Variants in SHPRH observed in about 807,000 individuals in gnomAD.
SHPRH encodes E3 ubiquitin-protein ligase SHPRH.
A neutral mutation model predicts 202.5 loss-of-function variants in SHPRH; 106 were observed. The observed-to-expected ratio is 0.52, with a 90% CI of 0.45 to 0.62. The LOEUF is 0.62. Ranked by LOEUF, SHPRH falls within the 20% of genes least tolerant of loss-of-function variation. SHPRH has a pLI of 0.00. For synonymous variants in SHPRH, 729 were observed against 686.0 expected, an observed-to-expected ratio of 1.06 and a Z score of -0.98; for missense variants, 1,710 against 2,020.0, an observed-to-expected ratio of 0.85 and a Z score of 2.94.
At chr6:145,935,776 G>T in intron 11 of SHPRH, 1 of 184,766 alleles carries the variant, frequency 5.4e-6, no homozygotes, top group Admixed American at 5.6e-5. Flanking sequence ...ACATATATAA[G>T]AAATACCATG....
chr6:145,912,966 T>A (rs1489871610), intron 24 of SHPRH, among the ~76,000 whole-genome samples: 1 of 152,082 alleles, frequency 6.6e-6, no homozygotes, highest in Non-Finnish European at 1.5e-5. Flanking sequence ...TATACTAATA[T>A]CCACAAAGGA....
At chr6:145,863,969 A>G (rs189548504), downstream of SHPRH, among the ~76,000 whole-genome samples, 169 of 152,362 alleles carry the variant, frequency 1.1e-3, no homozygotes, top group Non-Finnish European at 1.9e-3. Context: ...TGATATGTGC[A>G]TATCTATTAT....
intron 1 of SHPRH, among the ~76,000 whole-genome samples, chr6:145,959,823 T>C (rs914238807): frequency 2.0e-5 from 3 of 152,230 alleles, no homozygotes; most frequent in African/African-American, 7.2e-5. Flanking sequence ...AATCAATCCT[T>C]GGCTATGGTC....
chr6:145,900,942 T>C (rs1782453146), intron 25 of SHPRH, among the ~76,000 whole-genome samples: 1 of 152,134 alleles, frequency 6.6e-6, no homozygotes, highest in African/African-American at 2.4e-5. Context: ...GGGCCAACTA[T>C]ACTTGAAAAC....
At chr6:145,946,933 AG>A (rs1017755383) in intron 6 of SHPRH, among the ~76,000 whole-genome samples, 21 of 151,998 alleles carry the variant, frequency 1.4e-4, no homozygotes, top group African/African-American at 5.1e-4. Flanking sequence ...TTTCATTACT[AG>A]AAAATATGAG....
In SHPRH at chr6:145,951,706, A is replaced by G. The variant is rs1456046530; in HGVS notation, c.763+643T>C. The G allele has an allele frequency of 3.2e-5, 14 of 442,502 alleles. No individual in the cohort carries two copies. The East Asian group carries it at 5.6e-4, about 18-fold the overall frequency. 27.4% of individuals were successfully genotyped at this position (442,502 alleles called of 1,614,324 possible). ...GCATTGCAAAGAATGTACTAGAGAA[A>G]TAACAATCGAAGTTAGAAACTGATT... On this transcript the variant is annotated intron_variant, in intron 3 of 29. Transcript: ENST00000275233.
chr6:145,935,226 T>C (rs1390990121), intron 12 of SHPRH, 52 bp downstream of exon 12: 4 of 1,601,924 alleles, frequency 2.5e-6, no homozygotes, highest in East Asian at 4.5e-5. Flanking sequence ...TCCATCCCAA[T>C]TGTTTCTTTT....
rs183496929 is a variant in SHPRH, at chr6:145,886,372, T to G, written c.*319A>C. On this transcript the variant is annotated 3_prime_UTR_variant, in exon 30 of 30. Transcript: ENST00000275233. ...TTACTTTCTTATTCCAACTGTTTTA[T>G]GAGTGATCTTATCATAAGAAAAGTA... 5.9e-3 allele frequency: 4,145 copies of G among 700,380 alleles called. 95 individuals are homozygous for G. The East Asian group carries it at 0.064, about 11-fold the overall frequency. The allele number at this position is 700,380 out of a possible 1,614,324, so 43.4% of individuals were successfully genotyped here.
intron 23 of SHPRH, among the ~76,000 whole-genome samples, chr6:145,915,054 A>T (rs1217620728): frequency 6.7e-6 from 1 of 149,434 alleles, no homozygotes; most frequent in Non-Finnish European, 1.5e-5. Context: ...AAATTATCTT[A>T]AAATAATTAC....
chr6:145,887,440 T>G (rs191398038), intron 29 of SHPRH, among the ~76,000 whole-genome samples: 260 of 152,244 alleles, frequency 1.7e-3, no homozygotes, highest in African/African-American at 5.1e-3. Flanking sequence ...AGTTCTATGA[T>G]TCCAGAGTCA....
chr6:145,886,546 A>ACTGTATGTT lies in SHPRH; in HGVS notation c.*144_*145insAACATACAG. The stretch of plus-strand genomic sequence containing the variant: ...AAAAGGACTCAATAAGTACTAAGCC[A>ACTGTATGTT]CTGTATAACCAGAACAATAAACAAA... On this transcript the variant is annotated 3_prime_UTR_variant, in exon 30 of 30. Coordinates refer to ENST00000275233, the MANE Select transcript of SHPRH (RefSeq NM_001042683.3). The ACTGTATGTT allele has an allele frequency of 1.4e-6, 2 of 1,423,564 alleles. No homozygotes were observed. The highest frequency in any genetic ancestry group is 1.9e-6 in the Non-Finnish European group (2 of 1,050,440). The allele number at this position is 1,423,564 out of a possible 1,614,324, so 88.2% of individuals were successfully genotyped here. A position where few individuals can be genotyped will look rare whatever the true frequency, so the allele number is the denominator to read the frequency against.
intron 2 of SHPRH, among the ~76,000 whole-genome samples, chr6:145,870,354 C>T (rs1315747148): frequency 2.0e-5 from 3 of 150,988 alleles, no homozygotes; most frequent in East Asian, 2.0e-4. Context: ...CTCTGCCTCC[C>T]GGGTTCACAC....
chr6:145,947,344 C>A (rs1787495796), intron 6 of SHPRH, 149 bp downstream of exon 6: 1 of 836,068 alleles, frequency 1.2e-6, no homozygotes, highest in African/African-American at 1.8e-5. Flanking sequence ...TTCTCTCTGC[C>A]CACTTGAAGT....
chr6:145,936,401 C>G (rs1562344264), intron 11 of SHPRH, among the ~76,000 whole-genome samples: 1 of 152,174 alleles, frequency 6.6e-6, no homozygotes, highest in Non-Finnish European at 1.5e-5. Flanking sequence ...ACCATCTTAG[C>G]TCACTGCAGC....
chr6:145,955,166 G>C lies in SHPRH; in HGVS notation c.157C>G (p.His53Asp). The C allele has an allele frequency of 6.2e-7, 1 of 1,613,734 alleles. No homozygotes were observed. The highest frequency in any genetic ancestry group is 1.3e-5 in the African/African-American group (1 of 75,010). The change falls in exon 2 of 30, where the codon CAT (histidine) becomes GAT (aspartate). Residue 53 changes from histidine to aspartate, a missense_variant. Physicochemically the swap from His to Asp is moderately conservative, Grantham distance 81 (BLOSUM62 -1). Coordinates refer to ENST00000275233, the MANE Select transcript of SHPRH (RefSeq NM_001042683.3). Reference sequence around the variant, plus strand: ...AGACTATCACTTAGAATGATATAATGAGCAGAAGAGGTATCTGAACCTGGG... The same window carrying C: ...AGACTATCACTTAGAATGATATAATCAGCAGAAGAGGTATCTGAACCTGGG... ...PCPGSDTSSA[H>D]YIILSDSLKE...
intron 28 of SHPRH, among the ~76,000 whole-genome samples, chr6:145,892,910 T>C (rs1000858401): frequency 6.6e-6 from 1 of 152,118 alleles, no homozygotes; most frequent in Non-Finnish European, 1.5e-5. Flanking sequence ...CTGTCTTAAG[T>C]ATTTCTAACA....
chr6:145,873,589 CCTG>C (rs1160886932), intron 2 of SHPRH, among the ~76,000 whole-genome samples: 1 of 151,986 alleles, frequency 6.6e-6, no homozygotes. Flanking sequence ...GCCTCCCATT[CCTG>C]CTATGAGAAG....
rs2128787905 is a variant in SHPRH, at chr6:145,945,516, A to G, written c.1443T>C (p.Ser481=). 6.2e-7 allele frequency: 1 copy of G among 1,613,120 alleles called. No homozygotes were observed. The highest frequency in any genetic ancestry group is 1.1e-5 in the South Asian group (1 of 91,054). Reference sequence around the variant, plus strand: ...AACATTTCAGCATCCGTTTCAAAAGACTCCTGTTCCGTTGAACATCGTATC... The same window carrying G: ...AACATTTCAGCATCCGTTTCAAAAGGCTCCTGTTCCGTTGAACATCGTATC... The part of the protein sequence containing the change: ...IYRYDVQRNR[S]LLKRMLKCLI... The change falls in exon 8 of 30, where the codon AGT becomes AGC. Residue 481 remains serine, a synonymous_variant. Coordinates refer to ENST00000275233, the MANE Select transcript of SHPRH (RefSeq NM_001042683.3).
chr6:145,873,325 G>T (rs1447190836), intron 2 of SHPRH, among the ~76,000 whole-genome samples: 1 of 151,956 alleles, frequency 6.6e-6, no homozygotes, highest in Non-Finnish European at 1.5e-5. Flanking sequence ...GATGAGAGAA[G>T]AAAAAGGTAC....
Sources: gnomAD v4.1 joint callset for allele counts (sites outside exome capture counted in the v4.1 genomes callset) on GRCh38, gnomAD v4.1.1 for gene constraint, MANE v1.5 for transcripts, NCBI Gene and HGNC (gene_info 2026-07-23, HGNC 2026-07-21) for gene names.